LRP1B: variants seen among roughly 807,000 people sequenced by gnomAD.
LRP1B encodes low-density lipoprotein receptor-related protein 1B.
A neutral mutation model predicts 556.6 loss-of-function variants in LRP1B; 217 were observed. That is an observed-to-expected ratio of 0.39 (90% CI 0.35 to 0.44). The LOEUF (loss-of-function observed/expected upper bound fraction) is 0.44, where lower values mean the gene tolerates loss of function less well. Among genes scored for constraint, LRP1B ranks in the 20% least tolerant of loss-of-function variants. LRP1B has a pLI of 1.00. For synonymous variants in LRP1B, 2,047 were observed against 1,865.8 expected, an observed-to-expected ratio of 1.10 and a Z score of -2.50; for missense variants, 5,053 against 5,620.8, an observed-to-expected ratio of 0.90 and a Z score of 3.23.
intron 68 of LRP1B, among the ~76,000 whole-genome samples, chr2:140,377,868 T>C (rs1466180511): frequency 6.6e-6 from 1 of 152,120 alleles, no homozygotes; most frequent in African/African-American, 2.4e-5. Context: ...CTGCAGCAAA[T>C]TTATGAACTA....
intron 77 of LRP1B, among the ~76,000 whole-genome samples, chr2:140,348,133 T>A (rs1443125359): frequency 6.6e-6 from 1 of 152,054 alleles, no homozygotes; most frequent in Non-Finnish European, 1.5e-5. Context: ...AGAAATTGTG[T>A]ACTTCAATAT....
chr2:140,616,606 C>T (rs1268705163), intron 41 of LRP1B, among the ~76,000 whole-genome samples: 3 of 151,090 alleles, frequency 2.0e-5, no homozygotes, highest in Admixed American at 2.0e-4. Context: ...TATTACAAGC[C>T]TTAAAGAATA....
chr2:142,045,142 GAA>G (rs34255275), intron 1 of LRP1B, among the ~76,000 whole-genome samples: 75,411 of 145,096 alleles, frequency 0.52, 20,011 homozygotes, highest in East Asian at 0.69. Context: ...ACCCAAGGGG[GAA>G]AAAAAAAAAA....
At chr2:142,008,472 G>A (rs1702862457) in intron 1 of LRP1B, among the ~76,000 whole-genome samples, 1 of 151,798 alleles carries the variant, frequency 6.6e-6, no homozygotes, top group African/African-American at 2.4e-5. Context: ...GGGTCAAGGT[G>A]CAGAGTCTAG....
chr2:141,814,234 C>G (rs1696457199), intron 1 of LRP1B, among the ~76,000 whole-genome samples: 1 of 152,224 alleles, frequency 6.6e-6, no homozygotes, highest in East Asian at 1.9e-4. Flanking sequence ...TTTTCTTCAT[C>G]TGGGCTCACA....
intron 17 of LRP1B, among the ~76,000 whole-genome samples, chr2:140,989,043 A>C (rs1430357607): frequency 6.6e-6 from 1 of 152,160 alleles, no homozygotes; most frequent in Non-Finnish European, 1.5e-5. Flanking sequence ...GGAAATATAA[A>C]TAGGCTAGTG....
chr2:141,471,001 C>T (rs936173377), intron 3 of LRP1B, among the ~76,000 whole-genome samples: 1 of 151,982 alleles, frequency 6.6e-6, no homozygotes, highest in African/African-American at 2.4e-5. Flanking sequence ...CTCATGTTGT[C>T]GATTTTGACT....
At chr2:140,998,618 C>T (rs978308634) in intron 15 of LRP1B, among the ~76,000 whole-genome samples, 1 of 152,062 alleles carries the variant, frequency 6.6e-6, no homozygotes, top group Non-Finnish European at 1.5e-5. Context: ...GTCCAGCCTA[C>T]TCTCATTCTT....
chr2:140,312,489 A>C (rs1684343985), intron 83 of LRP1B, among the ~76,000 whole-genome samples: 1 of 151,988 alleles, frequency 6.6e-6, no homozygotes, highest in African/African-American at 2.4e-5. Flanking sequence ...CATAAAAGTA[A>C]AGATTAAGTG....
At chr2:141,174,996 C>A (rs1258182433) in intron 7 of LRP1B, among the ~76,000 whole-genome samples, 1 of 152,196 alleles carries the variant, frequency 6.6e-6, no homozygotes, top group African/African-American at 2.4e-5. Context: ...AGACTGGCAG[C>A]ATTTTGGCCC....
chr2:140,324,335 GTTA>G (rs1483465682), intron 80 of LRP1B, among the ~76,000 whole-genome samples: 3 of 151,860 alleles, frequency 2.0e-5, no homozygotes, highest in South Asian at 2.1e-4. Flanking sequence ...TTTTCTGGGG[GTTA>G]TTATTTGCAG....
chr2:141,769,809 C>CCTTAAAGTCGATCTACCACAAA (rs148715991), intron 2 of LRP1B, among the ~76,000 whole-genome samples: 1 of 152,010 alleles, frequency 6.6e-6, no homozygotes, highest in Non-Finnish European at 1.5e-5. Context: ...TTACTATACG[C>CCTTAAAGTCGATCTACCACAAA]TGGGGTTACT....
intron 3 of LRP1B, among the ~76,000 whole-genome samples, chr2:141,418,537 T>C (rs1052861203): frequency 3.3e-5 from 5 of 151,974 alleles, no homozygotes; most frequent in Non-Finnish European, 7.4e-5. Context: ...CAAAGATCAT[T>C]TGAGTATGTG....
At chr2:140,339,066 T>G (rs1003929886) in intron 77 of LRP1B, among the ~76,000 whole-genome samples, 3 of 151,784 alleles carry the variant, frequency 2.0e-5, no homozygotes, top group Non-Finnish European at 4.4e-5. Context: ...TCTAACAAGC[T>G]CTCTAAATAC....
intron 1 of LRP1B, among the ~76,000 whole-genome samples, chr2:141,992,743 G>C (rs551077665): frequency 6.6e-6 from 1 of 152,154 alleles, no homozygotes; most frequent in Admixed American, 6.6e-5. Context: ...TCAGGATTCT[G>C]GCATGATATT....
intron 31 of LRP1B, among the ~76,000 whole-genome samples, chr2:140,838,170 A>G (rs1691978601): frequency 6.6e-6 from 1 of 152,172 alleles, no homozygotes; most frequent in Non-Finnish European, 1.5e-5. Context: ...ATAAACTATG[A>G]TTGCCAAATT....
chr2:140,681,303 GA>G (rs1359093349), intron 41 of LRP1B, among the ~76,000 whole-genome samples: 1 of 151,958 alleles, frequency 6.6e-6, no homozygotes, highest in African/African-American at 2.4e-5. Context: ...AAAGAGAAAA[GA>G]AGGAATAAAT....
intron 67 of LRP1B, among the ~76,000 whole-genome samples, chr2:140,379,555 C>A (rs1475484412): frequency 2.0e-5 from 3 of 152,044 alleles, no homozygotes; most frequent in African/African-American, 7.2e-5. Flanking sequence ...ATTAGCCTGC[C>A]TTGGTGGCAG....
At chr2:142,001,900 C>T (rs890487998) in intron 1 of LRP1B, among the ~76,000 whole-genome samples, 63 of 152,142 alleles carry the variant, frequency 4.1e-4, no homozygotes, top group African/African-American at 1.3e-3. Context: ...AAGCGGCATG[C>T]TCTAATTTAC....
Sources: gnomAD v4.1 joint callset for allele counts (sites outside exome capture counted in the v4.1 genomes callset) on GRCh38, gnomAD v4.1.1 for gene constraint, MANE v1.5 for transcripts, NCBI Gene and HGNC (gene_info 2026-07-23, HGNC 2026-07-21) for gene names.